TACC3: variants seen among roughly 807,000 people sequenced by gnomAD.
TACC3 encodes transforming acidic coiled-coil-containing protein 3.
In TACC3, 52 loss-of-function variants were observed where a neutral mutation model predicts 86.0. That is an observed-to-expected ratio of 0.60 (90% CI 0.48 to 0.76). The LOEUF (loss-of-function observed/expected upper bound fraction) is 0.76, where lower values mean the gene tolerates loss of function less well. Ranked by LOEUF, TACC3 falls within the 30% of genes least tolerant of loss-of-function variation. The pLI is 0.00. For synonymous variants in TACC3, 512 were observed against 430.0 expected (o/e 1.19, Z -2.36); for missense variants, 1,120 against 1,070.4 (o/e 1.05, Z -0.65).
chr4:1,730,787 C>T, intron 4 of TACC3, 100 bp from the exon 5 acceptor site: 3 of 1,321,092 alleles, frequency 2.3e-6, no homozygotes, highest in Non-Finnish European at 3.2e-6. Context: ...GTGGCCGGCA[C>T]AGCAGTGCAG....
At chr4:1,739,824 C>G in intron 11 of TACC3, 46 bp downstream of exon 11, 1 of 616,426 alleles carries the variant, frequency 1.6e-6, no homozygotes, top group Non-Finnish European at 2.4e-6. Flanking sequence ...ATCCCCCTCG[C>G]CATCCTTGTC....
rs374150283 is a variant in TACC3 at position 1,739,664 on chromosome 4, G to C, written c.1942-38G>C. The C allele has an allele frequency of 2.1e-5, 32 of 1,551,530 alleles. No homozygotes were observed. In the African/African-American group the frequency reaches 4.2e-4, roughly 21 times the overall value. ...GGGGAGGTCCTGGGAGGGTCAGTCT[G>C]GCCCGCCTGCCTGCTGACTTGGGTG... On this transcript the variant is annotated intron_variant, in intron 10 of 15. Transcript: ENST00000313288.
At position 1,728,500 on chromosome 4, in the gene TACC3, C is replaced by G. The variant is rs1717827044; in HGVS notation, c.1098C>G (p.Pro366=). ...GAGAGAGGTCCGGCCTCAAGCCTCC[C>G]TTGAGGAAAGCAGCAGTGAGGCAGC... is the stretch of plus-strand genomic sequence containing the variant. ...RLGERSGLKP[P]LRKAAVRQQK... is the part of the protein sequence containing the mutation. Residue 366 remains proline, a synonymous_variant, in exon 4 of 16, where the codon CCC becomes CCG. Coordinates refer to ENST00000313288, the MANE Select transcript of TACC3 (RefSeq NM_006342.3). 1 of 1,613,870 alleles carries G rather than the reference C, an allele frequency of 6.2e-7. No homozygotes were observed. Among genetic ancestry groups the G allele is most frequent in the Non-Finnish European group, 8.5e-7 (1 of 1,180,004 alleles).
At chr4:1,733,453 G>A (rs1478354777) in intron 6 of TACC3, among the ~76,000 whole-genome samples, 1 of 152,104 alleles carries the variant, frequency 6.6e-6, no homozygotes, top group Non-Finnish European at 1.5e-5. Flanking sequence ...TGTAGTTTGA[G>A]ACTAACCTGG....
intron 13 of TACC3, chr4:1,744,315 G>A (rs1718736987): frequency 3.5e-6 from 2 of 570,202 alleles, no homozygotes; most frequent in Non-Finnish European, 6.2e-6. Context: ...TCTCAGGGTG[G>A]AGAGCCAGGG....
Position 1,744,535 on chromosome 4 carries a change from G to A in TACC3, c.2241G>A (p.Lys747=). The A allele has an allele frequency of 6.2e-7, 1 of 1,613,070 alleles. No individual in the cohort carries two copies. The highest frequency in any genetic ancestry group is 8.5e-7 in the Non-Finnish European group (1 of 1,179,902). The change falls in exon 14 of 16, where the codon AAG becomes AAA. Residue 747 remains lysine (K), a synonymous_variant. Coordinates refer to ENST00000313288, the MANE Select transcript of TACC3 (RefSeq NM_006342.3). ...EGYRKNEESL[K]KCVEDYLARI... ...CTTCCTAGAACGAAGAGTCACTGAA[G>A]AAGTGCGTGGAGGATTACCTGGCAA... is the stretch of plus-strand genomic sequence containing the variant.
chr4:1,730,681 C>T (rs770347265), intron 4 of TACC3: 43 of 710,322 alleles, frequency 6.1e-5, no homozygotes, highest in Non-Finnish European at 8.5e-5. Context: ...GCAGGCAAGG[C>T]GCGTGTTTTC....
intron 6 of TACC3, among the ~76,000 whole-genome samples, chr4:1,732,718 C>T (rs1241688874): frequency 3.3e-5 from 5 of 152,234 alleles, no homozygotes; most frequent in Non-Finnish European, 7.3e-5. Context: ...AATCACACAG[C>T]ACGGCCTTCT....
At chr4:1,738,247 G>A (rs115296917) in intron 10 of TACC3, 3,882 of 267,160 alleles carry the variant, frequency 0.015, 175 homozygotes, top group African/African-American at 0.081. Context: ...GTGAGCTACC[G>A]TCGCCAGATG....
intron 6 of TACC3, among the ~76,000 whole-genome samples, chr4:1,732,208 T>C (rs1405675451): frequency 1.4e-5 from 2 of 145,954 alleles, no homozygotes; most frequent in East Asian, 3.9e-4. Context: ...GAGGCTGCAG[T>C]TAAATAAATA....
rs764795119 is a variant in TACC3 at position 1,745,060 on chromosome 4, C to G, written c.*47C>G. On this transcript the variant is annotated 3_prime_UTR_variant, in exon 16 of 16. Transcript: ENST00000313288. ...CGCCCCCCTGCTCCCGTCTGTCTGT[C>G]CTGTCTGATTCTCTTAGGTGTCATG... The G allele has an allele frequency of 4.2e-5, 65 of 1,556,030 alleles. No individual in the cohort carries two copies. The Admixed American group carries it at 9.2e-4, about 22-fold the overall frequency.
Position 1,745,058 on chromosome 4 carries a change from G to A in TACC3, c.*45G>A, listed in dbSNP as rs1173293301. The A allele has an allele frequency of 5.1e-6, 8 of 1,560,768 alleles. No individual in the cohort carries two copies. The African/African-American group carries it at 6.8e-5, about 13-fold the overall frequency. On this transcript the variant is annotated 3_prime_UTR_variant, in exon 16 of 16. Coordinates refer to ENST00000313288, the MANE Select transcript of TACC3 (RefSeq NM_006342.3). ...CCCGCCCCCCTGCTCCCGTCTGTCTGTCCTGTCTGATTCTCTTAGGTGTCA... is the reference window on the plus strand; with the variant it reads ...CCCGCCCCCCTGCTCCCGTCTGTCTATCCTGTCTGATTCTCTTAGGTGTCA...
chr4:1,737,879 T>C, intron 10 of TACC3, 177 bp downstream of exon 10: 1 of 715,432 alleles, frequency 1.4e-6, no homozygotes, highest in Non-Finnish European at 2.5e-6. Flanking sequence ...CCCAGGTCGC[T>C]GAGGGTCCAG....
intron 6 of TACC3, among the ~76,000 whole-genome samples, chr4:1,734,100 A>C (rs1718139455): frequency 6.6e-6 from 1 of 152,232 alleles, no homozygotes; most frequent in African/African-American, 2.4e-5. Flanking sequence ...GAATGAGCAA[A>C]TACTGCTAGG....
rs1424514550 is a variant in TACC3 at position 1,723,735 on chromosome 4, T to C, written c.170T>C (p.Phe57Ser). 2.5e-6 allele frequency: 4 copies of C among 1,613,730 alleles called. No homozygotes were observed. The highest frequency in any genetic ancestry group is 1.7e-5 in the Admixed American group (1 of 60,024). The change falls in exon 3 of 16, where the codon TTT becomes TCT. Residue 57 changes from phenylalanine (F) to serine (S), a missense_variant. By Grantham distance (155) the Phe-to-Ser change is radical. Coordinates refer to ENST00000313288, the MANE Select transcript of TACC3 (RefSeq NM_006342.3). ...KNLAKAMKVT[F>S]QTPLRDPQTH... ...CTCCTCACTCCGCAACAGGTGACTT[T>C]TCAGACACCTCTGCGGGATCCACAG... is the stretch of plus-strand genomic sequence containing the variant.
At chr4:1,730,471 T>C (rs1210116480) in intron 4 of TACC3, 3 of 350,480 alleles carry the variant, frequency 8.6e-6, no homozygotes, top group African/African-American at 2.1e-5. Context: ...TCTTATTCTG[T>C]ATATTTATGA....
Position 1,735,794 on chromosome 4 carries a change from A to G in TACC3, c.1708A>G (p.Ser570Gly). The change falls in exon 8 of 16, where the codon AGT becomes GGT. Residue 570 changes from serine (S) to glycine (G), a missense_variant. Coordinates refer to ENST00000313288, the MANE Select transcript of TACC3 (RefSeq NM_006342.3). The surrounding 1 kb of genome is among the most constrained non-coding windows in gnomAD (Gnocchi z 4.2). ...CAAGTTCGACCCCCTCCTGAGGGAC[A>G]GTCCTGGTAGACCAGTGCCCGTGGC... ...YLKFDPLLRD[S>G]PGRPVPVATE... 6.2e-7 allele frequency: 1 copy of G among 1,608,074 alleles called. No individual in the cohort carries two copies. The highest frequency in any genetic ancestry group is 8.5e-7 in the Non-Finnish European group (1 of 1,175,870).
In TACC3 at chr4:1,731,265, G is replaced by A. The variant is rs145737456; in HGVS notation, c.1555G>A (p.Glu519Lys). Residue 519 changes from glutamate (E) to lysine (K), a missense_variant, in exon 6 of 16, where the codon GAG becomes AAG. Physicochemically the swap from Glu to Lys is moderately conservative, Grantham distance 56 (BLOSUM62 1). Transcript: ENST00000313288. ...CCATCAGCAGGGGCAGCCTGCCTTG[G>A]AGCTGAAAGAGGAGAGCTTCAGAGA... ...PTHQQGQPAL[E>K]LKEESFRDPA... 8.1e-6 allele frequency: 13 copies of A among 1,613,208 alleles called. No homozygotes were observed. Among genetic ancestry groups the A allele is most frequent in the African/African-American group, 1.3e-5 (1 of 74,924 alleles).
intron 3 of TACC3, 100 bp downstream of exon 3, chr4:1,723,970 T>A (rs1717555022): frequency 7.3e-7 from 1 of 1,371,830 alleles, no homozygotes; most frequent in African/African-American, 1.4e-5. Flanking sequence ...TTGGCTGGAT[T>A]TTTTGTTTGT....
Sources: allele counts gnomAD v4.1 joint callset (sites outside exome capture counted in the v4.1 genomes callset), GRCh38; gene constraint gnomAD v4.1.1; non-coding constraint Gnocchi (gnomAD v3.1); transcripts MANE v1.5; gene names NCBI Gene and HGNC (gene_info 2026-07-23, HGNC 2026-07-21).